Variants in CERS6 observed in about 807,000 individuals in gnomAD.
CERS6 encodes LAG1 homolog, ceramide synthase 6.
A neutral mutation model predicts 56.8 loss-of-function variants in CERS6; 26 were observed. The ratio of observed to expected loss-of-function variants is 0.46; its 90% CI spans 0.34 to 0.63. The LOEUF (loss-of-function observed/expected upper bound fraction) is 0.63, where lower values mean the gene tolerates loss of function less well. Ranked by LOEUF, CERS6 falls within the 30% of genes least tolerant of loss-of-function variation. The pLI, the probability that CERS6 is intolerant of heterozygous loss-of-function variation, is 0.01. For missense variants in CERS6, 415 were observed against 467.5 expected, an observed-to-expected ratio of 0.89 and a Z score of 1.04; for synonymous variants, 164 against 173.3, an observed-to-expected ratio of 0.95 and a Z score of 0.42.
intron 1 of CERS6, among the ~76,000 whole-genome samples, chr2:168,522,965 T>C (rs1695007849): frequency 6.6e-6 from 1 of 152,260 alleles, no homozygotes; most frequent in Non-Finnish European, 1.5e-5. Context: ...TCTGAATAAA[T>C]AGTCAAACAT....
intron 3 of CERS6, among the ~76,000 whole-genome samples, chr2:168,566,420 C>T (rs1213871333): frequency 6.6e-6 from 1 of 152,178 alleles, no homozygotes; most frequent in Non-Finnish European, 1.5e-5. Context: ...GCAGCAGACT[C>T]ATCAAAACCT....
chr2:168,593,526 GTGTTT>G (rs148109520), intron 3 of CERS6, among the ~76,000 whole-genome samples: 370 of 151,720 alleles, frequency 2.4e-3, no homozygotes, highest in Admixed American at 4.4e-3. Flanking sequence ...GAGTTTCTGT[GTGTTT>G]TGTTTTGTTT....
intron 1 of CERS6, among the ~76,000 whole-genome samples, chr2:168,522,819 GATTACAGGTGTGA>G (rs1695005570): frequency 6.6e-6 from 1 of 152,202 alleles, no homozygotes; most frequent in South Asian, 2.1e-4. Flanking sequence ...AAAGTGCTGA[GATTACAGGTGTGA>G]ACCACTGTGC....
chr2:168,481,422 A>G (rs1694176558), intron 1 of CERS6, among the ~76,000 whole-genome samples: 1 of 152,164 alleles, frequency 6.6e-6, no homozygotes, highest in South Asian at 2.1e-4. Context: ...TCAAAAAAAA[A>G]CGGACAGTTA....
At chr2:168,553,922 A>G (rs1467472626) in intron 2 of CERS6, among the ~76,000 whole-genome samples, 1 of 152,216 alleles carries the variant, frequency 6.6e-6, no homozygotes. Flanking sequence ...GTCAAAGCAT[A>G]TCAGTGAAAG....
intron 1 of CERS6, among the ~76,000 whole-genome samples, chr2:168,464,073 C>CT (rs1346352359): frequency 1.3e-5 from 2 of 151,956 alleles, no homozygotes; most frequent in South Asian, 2.1e-4. Context: ...TAGTTTTTAT[C>CT]TTTTTTCTGT....
At chr2:168,726,804 T>A (rs1384837725) in intron 8 of CERS6, among the ~76,000 whole-genome samples, 13 of 152,234 alleles carry the variant, frequency 8.5e-5, no homozygotes, top group Non-Finnish European at 1.0e-4. Flanking sequence ...GGTCAGAAGT[T>A]CTTATTATAT....
intron 8 of CERS6, among the ~76,000 whole-genome samples, chr2:168,759,212 C>T (rs927160872): frequency 2.0e-5 from 3 of 152,132 alleles, no homozygotes; most frequent in African/African-American, 7.2e-5. Context: ...GCATTTCTGT[C>T]AAATGCAGGA....
intron 3 of CERS6, among the ~76,000 whole-genome samples, chr2:168,598,375 G>T (rs13428465): frequency 1.3e-5 from 2 of 151,972 alleles, no homozygotes; most frequent in African/African-American, 4.8e-5. Context: ...ACGTGGCATA[G>T]TAATTAACCA....
chr2:168,581,624 G>A (rs1162389165), intron 3 of CERS6, among the ~76,000 whole-genome samples: 1 of 151,934 alleles, frequency 6.6e-6, no homozygotes, highest in Admixed American at 6.6e-5. Flanking sequence ...TAAAAGTTCT[G>A]TTTCATCTTT....
chr2:168,525,541 G>A (rs1177032118), intron 1 of CERS6, among the ~76,000 whole-genome samples: 2 of 152,234 alleles, frequency 1.3e-5, no homozygotes, highest in African/African-American at 4.8e-5. Flanking sequence ...CACAATTCTT[G>A]TAATGGGGTA....
intron 1 of CERS6, among the ~76,000 whole-genome samples, chr2:168,467,052 C>T (rs1423588555): frequency 1.3e-5 from 2 of 152,196 alleles, no homozygotes; most frequent in Non-Finnish European, 2.9e-5. Flanking sequence ...CCTCCCCCAC[C>T]TTCCTTCCCT....
intron 8 of CERS6, among the ~76,000 whole-genome samples, chr2:168,757,027 T>C (rs1684433382): frequency 6.6e-6 from 1 of 152,200 alleles, no homozygotes; most frequent in South Asian, 2.1e-4. Context: ...TTAATGTTGC[T>C]ATATGAGGAT....
intron 4 of CERS6, among the ~76,000 whole-genome samples, chr2:168,645,998 C>CT (rs2105311869): frequency 6.6e-6 from 1 of 152,252 alleles, no homozygotes; most frequent in South Asian, 2.1e-4. Flanking sequence ...CTGCAGTGAA[C>CT]GTTCACATGC....
At chr2:168,753,080 C>CT (rs1340175568) in intron 8 of CERS6, among the ~76,000 whole-genome samples, 1 of 152,078 alleles carries the variant, frequency 6.6e-6, no homozygotes, top group Non-Finnish European at 1.5e-5. Context: ...TTTAAGAAAC[C>CT]TTTAGTAAAC....
intron 6 of CERS6, among the ~76,000 whole-genome samples, chr2:168,704,799 C>T (rs543153506): frequency 2.0e-5 from 3 of 152,200 alleles, no homozygotes; most frequent in African/African-American, 4.8e-5. Context: ...GGCATTTCAC[C>T]GTGTTAGCCA....
intron 4 of CERS6, among the ~76,000 whole-genome samples, chr2:168,639,388 C>T (rs1382074457): frequency 6.6e-6 from 1 of 152,152 alleles, no homozygotes; most frequent in African/African-American, 2.4e-5. Flanking sequence ...ATTAGCTGAA[C>T]CATCATCAGA....
At chr2:168,562,570 C>T (rs988412983) in intron 3 of CERS6, among the ~76,000 whole-genome samples, 21 of 152,182 alleles carry the variant, frequency 1.4e-4, no homozygotes, top group Admixed American at 3.9e-4. Flanking sequence ...TGGACATGCA[C>T]GTAAGCCAGA....
intron 2 of CERS6, among the ~76,000 whole-genome samples, chr2:168,560,083 C>G (rs973306911): frequency 6.6e-6 from 1 of 152,066 alleles, no homozygotes; most frequent in Non-Finnish European, 1.5e-5. Context: ...ACTTACAGTT[C>G]CACATGGCTG....
Sources: gnomAD v4.1 joint callset for allele counts (sites outside exome capture counted in the v4.1 genomes callset) on GRCh38, gnomAD v4.1.1 for gene constraint, MANE v1.5 for transcripts, NCBI Gene and HGNC (gene_info 2026-07-23, HGNC 2026-07-21) for gene names.